The following UFD1 variants were observed in gnomAD, a reference collection of about 807,000 sequenced individuals.
The protein encoded by UFD1 is ubiquitin recognition factor in ER associated degradation 1, also known as ubiquitin recognition factor in ER-associated degradation protein 1.
In UFD1, 13 loss-of-function variants were observed where a neutral mutation model predicts 45.9. That is an observed-to-expected ratio of 0.28 (90% CI 0.18 to 0.45). The LOEUF is 0.45. Ranked by LOEUF, UFD1 falls within the 20% of genes least tolerant of loss-of-function variation. The probability of loss-of-function intolerance (pLI) is 1.00; values close to 1 mark genes in which losing one functional copy is unlikely to be tolerated. For missense variants in UFD1, 218 were observed against 389.2 expected, an observed-to-expected ratio of 0.56 and a Z score of 3.70; for synonymous variants, 128 against 139.2, an observed-to-expected ratio of 0.92 and a Z score of 0.56.
At chr22:19,475,699 G>GTGT in intron 1 of UFD1, 97 bp from the exon 2 acceptor site, 1 of 1,378,562 alleles carries the variant, frequency 7.3e-7, no homozygotes, top group Non-Finnish European at 1.0e-6. Context: ...ACTAAACATT[G>GTGT]TCAGAGAACA....
Position 19,479,107 on chromosome 22 carries a change from T to G in UFD1, c.-22A>C, listed in dbSNP as rs1280728073. 1.9e-6 allele frequency: 3 copies of G among 1,601,464 alleles called. No individual in the cohort carries two copies. Among genetic ancestry groups the G allele is most frequent in the Non-Finnish European group, 1.7e-6 (2 of 1,173,506 alleles). ...CCATGATGGACACCACCTGGCAGAC[T>G]CCGCTCCTCTCAGGCAATGCAACGA... On this transcript the variant is annotated 5_prime_UTR_variant, in exon 1 of 12. Transcript: ENST00000263202.
intron 4 of UFD1, among the ~76,000 whole-genome samples, chr22:19,468,435 G>C (rs947141388): frequency 6.6e-6 from 1 of 152,194 alleles, no homozygotes; most frequent in Non-Finnish European, 1.5e-5. Flanking sequence ...GCCCACCACA[G>C]CTGAGGCTGC....
At chr22:19,474,594 A>G (rs1409104649) in intron 3 of UFD1, among the ~76,000 whole-genome samples, 1 of 152,154 alleles carries the variant, frequency 6.6e-6, no homozygotes, top group Non-Finnish European at 1.5e-5. Context: ...GGGGGTCTGG[A>G]GCTCAGGAAA....
intron 8 of UFD1, 91 bp from the exon 9 acceptor site, chr22:19,456,725 A>C: frequency 5.6e-6 from 9 of 1,613,386 alleles, no homozygotes; most frequent in Non-Finnish European, 7.6e-6. Context: ...GTCCCCCGGA[A>C]GCATGGCTGG....
intron 8 of UFD1, 57 bp downstream of exon 8, chr22:19,456,796 A>G (rs527778457): frequency 1.2e-6 from 2 of 1,614,018 alleles, no homozygotes; most frequent in African/African-American, 2.7e-5. Context: ...AGCCACTGCC[A>G]GGAACTCAAA....
chr22:19,467,823 C>G, intron 5 of UFD1, 50 bp downstream of exon 5: 1 of 1,608,104 alleles, frequency 6.2e-7, no homozygotes, highest in Non-Finnish European at 8.5e-7. Context: ...TAACAACCGC[C>G]AGCACACTCT....
rs759101143 is a variant in UFD1 at position 19,450,651 on chromosome 22, A to G, written c.*19T>C. 36 of 1,613,774 alleles carry G rather than the reference A, an allele frequency of 2.2e-5. No individual in the cohort carries two copies. Among genetic ancestry groups the G allele is most frequent in the Non-Finnish European group, 2.5e-5 (30 of 1,179,904 alleles). On this transcript the variant is annotated 3_prime_UTR_variant, in exon 12 of 12. Coordinates refer to ENST00000263202, the MANE Select transcript of UFD1 (RefSeq NM_005659.7). Reference sequence around the variant, plus strand: ...CAAATGATTCTTTTATTATTTTCCAATCAGCCAACAGTCCTCACTTAGGGC... The same window carrying G: ...CAAATGATTCTTTTATTATTTTCCAGTCAGCCAACAGTCCTCACTTAGGGC...
At chr22:19,472,030 A>G (rs1471410485) in intron 3 of UFD1, among the ~76,000 whole-genome samples, 1 of 152,214 alleles carries the variant, frequency 6.6e-6, no homozygotes, top group Non-Finnish European at 1.5e-5. Flanking sequence ...TGAAGTCAAC[A>G]TTTTAAAAAG....
chr22:19,458,873 A>G (rs1159730739), intron 6 of UFD1, among the ~76,000 whole-genome samples: 3 of 152,376 alleles, frequency 2.0e-5, no homozygotes, highest in East Asian at 1.9e-4. Flanking sequence ...CCATAAACTT[A>G]TAAGTTAAAA....
intron 11 of UFD1, 84 bp downstream of exon 11, chr22:19,454,665 A>C (rs1429544042): frequency 6.2e-7 from 1 of 1,603,394 alleles, no homozygotes; most frequent in South Asian, 1.1e-5. Context: ...GCACACCCCT[A>C]CTCAGAATGC....
intron 8 of UFD1, 68 bp downstream of exon 8, chr22:19,456,785 G>A (rs1326723726): frequency 2.8e-5 from 45 of 1,613,486 alleles, no homozygotes; most frequent in Non-Finnish European, 3.6e-5. Context: ...GGCCACCCAC[G>A]AGCCACTGCC....
chr22:19,454,693 A>G, intron 11 of UFD1, 56 bp downstream of exon 11: 1 of 1,612,212 alleles, frequency 6.2e-7, no homozygotes, highest in Non-Finnish European at 8.5e-7. Flanking sequence ...TTCAGTCATC[A>G]CTAGCAAATA....
intron 4 of UFD1, among the ~76,000 whole-genome samples, chr22:19,468,861 G>A (rs895164753): frequency 6.6e-6 from 1 of 152,144 alleles, no homozygotes; most frequent in African/African-American, 2.4e-5. Flanking sequence ...CTTCAAGAAT[G>A]TTTCATCGGG....
intron 11 of UFD1, chr22:19,450,951 C>T: frequency 8.0e-7 from 1 of 1,255,124 alleles, no homozygotes; most frequent in Non-Finnish European, 1.0e-6. Context: ...GCCTGGGCAA[C>T]ATAGTGAGAT....
chr22:19,458,016 C>T, intron 7 of UFD1, 55 bp downstream of exon 7: 1 of 1,602,752 alleles, frequency 6.2e-7, no homozygotes, highest in Non-Finnish European at 8.5e-7. Context: ...CAGTGGTCAC[C>T]AACTGCCCAT....
chr22:19,456,986 T>C, intron 7 of UFD1, 68 bp from the exon 8 acceptor site: 1 of 1,025,170 alleles, frequency 9.8e-7, no homozygotes, highest in East Asian at 2.6e-5. Context: ...TTTTTGTTTT[T>C]AATTGAGACA....
At chr22:19,451,494 G>A (rs1361049489) in intron 11 of UFD1, 2 of 985,290 alleles carry the variant, frequency 2.0e-6, no homozygotes, top group African/African-American at 3.5e-5. Flanking sequence ...TCAGCAGAAA[G>A]AGGGATTGTT....
intron 11 of UFD1, chr22:19,451,754 C>G: frequency 1.0e-6 from 1 of 985,464 alleles, no homozygotes; most frequent in South Asian, 4.7e-5. Flanking sequence ...GCCGCACAGC[C>G]TTCCATTCAT....
At chr22:19,465,123 A>T in intron 6 of UFD1, 79 bp downstream of exon 6, 2 of 1,373,032 alleles carry the variant, frequency 1.5e-6, no homozygotes, top group Non-Finnish European at 2.1e-6. Flanking sequence ...ACGCTGCTTA[A>T]AAAGAAGCCC....
Sources: allele counts gnomAD v4.1 joint callset (sites outside exome capture counted in the v4.1 genomes callset), GRCh38; gene constraint gnomAD v4.1.1; transcripts MANE v1.5; gene names NCBI Gene and HGNC (gene_info 2026-07-23, HGNC 2026-07-21).